The following C3orf85 variants were observed in gnomAD, a reference collection of about 807,000 sequenced individuals.
C3orf85 encodes uncharacterized protein C3orf85.
A neutral mutation model predicts 1.7 loss-of-function variants in C3orf85; 1 was observed. The ratio of observed to expected loss-of-function variants is 0.60; its 90% CI spans 0.21 to 2.86. C3orf85 has a LOEUF of 2.86. Ranked by LOEUF, C3orf85 falls within the 30% of genes most tolerant of loss-of-function variation. The pLI is 0.22. For synonymous variants in C3orf85, 17 were observed against 8.0 expected (o/e 2.13, Z -1.90); for missense variants, 29 against 21.3 (o/e 1.36, Z -0.72).
intron 2 of C3orf85, among the ~76,000 whole-genome samples, chr3:109,137,981 A>G (rs9840398): frequency 0.087 from 13,172 of 152,042 alleles, 1,435 homozygotes; most frequent in African/African-American, 0.26. Context: ...TTGACTTTAG[A>G]GGGGGTAACG....
chr3:109,146,790 C>T (rs186493791), intron 2 of C3orf85, among the ~76,000 whole-genome samples: 5 of 152,174 alleles, frequency 3.3e-5, no homozygotes, highest in East Asian at 3.9e-4. Context: ...TGGTTATGTA[C>T]GTCAGCCCTA....
chr3:109,148,540 G>T, intron 3 of C3orf85, 154 bp downstream of exon 3: 2 of 581,290 alleles, frequency 3.4e-6, no homozygotes, highest in Non-Finnish European at 6.2e-6. Flanking sequence ...CCATGAAGTG[G>T]TTTTTGCCTG....
chr3:109,143,474 T>G (rs1283384006), intron 2 of C3orf85, among the ~76,000 whole-genome samples: 1 of 152,168 alleles, frequency 6.6e-6, no homozygotes, highest in Non-Finnish European at 1.5e-5. Context: ...TATGAATACA[T>G]TTTTATCTGT....
At chr3:109,141,723 C>T (rs1441756118) in intron 2 of C3orf85, among the ~76,000 whole-genome samples, 1 of 152,100 alleles carries the variant, frequency 6.6e-6, no homozygotes. Flanking sequence ...ATAGCTATGC[C>T]ATTGTGTGTA....
At chr3:109,139,310 G>A (rs541895541) in intron 2 of C3orf85, among the ~76,000 whole-genome samples, 72 of 152,268 alleles carry the variant, frequency 4.7e-4, no homozygotes, top group Non-Finnish European at 9.0e-4. Context: ...TATCATAGCC[G>A]TTGCTTCCAT....
At chr3:109,147,589 T>C (rs977779750) in intron 2 of C3orf85, among the ~76,000 whole-genome samples, 5 of 152,218 alleles carry the variant, frequency 3.3e-5, no homozygotes, top group African/African-American at 1.2e-4. Context: ...TCAAGATCTT[T>C]AAAAAGTCTG....
rs1003166259 is a variant in C3orf85 at position 109,151,399 on chromosome 3, G to A, written c.*1505G>A. Reference sequence around the variant, plus strand: ...TTACATCCCAATAAACCCGTCACACGCTGAAAATATCATAAGTCAAAAGTG... The same window carrying A: ...TTACATCCCAATAAACCCGTCACACACTGAAAATATCATAAGTCAAAAGTG... On this transcript the variant is annotated 3_prime_UTR_variant, in exon 4 of 4. Coordinates refer to ENST00000622536, the MANE Select transcript of C3orf85 (RefSeq NM_001351622.2). Among the ~76,000 whole-genome samples the A allele has an allele frequency of 3.9e-5, 6 of 151,906 alleles. No homozygotes were observed. The highest frequency in any genetic ancestry group is 1.3e-4 in the Admixed American group (2 of 15,258).
rs1307124171 is a variant in C3orf85 at position 109,150,805 on chromosome 3, T to C, written c.*911T>C. 3.9e-5 allele frequency among the ~76,000 whole-genome samples: 6 copies of C among 152,346 alleles called. No homozygotes were observed. Among genetic ancestry groups the C allele is most frequent in the African/African-American group, 1.2e-4 (5 of 41,596 alleles). On this transcript the variant is annotated 3_prime_UTR_variant, in exon 4 of 4. Coordinates refer to ENST00000622536, the MANE Select transcript of C3orf85 (RefSeq NM_001351622.2). ...TATCTCCATTCTCTATTCTCTATTT[T>C]AGTTGTTCTCTCGAACAATTTATTT...
intron 2 of C3orf85, among the ~76,000 whole-genome samples, chr3:109,142,838 A>G (rs2107834304): frequency 6.6e-6 from 1 of 152,254 alleles, no homozygotes; most frequent in South Asian, 2.1e-4. Flanking sequence ...CAAGTTGAGA[A>G]ATAAAGAAAT....
At chr3:109,139,898 T>C (rs900762842) in intron 2 of C3orf85, among the ~76,000 whole-genome samples, 3 of 152,196 alleles carry the variant, frequency 2.0e-5, no homozygotes, top group Non-Finnish European at 4.4e-5. Flanking sequence ...TCTTGAAAGA[T>C]TTTTGATTTG....
intron 2 of C3orf85, chr3:109,146,461 G>C (rs1706800422): frequency 1.3e-5 from 2 of 152,306 alleles, no homozygotes; most frequent in South Asian, 2.1e-4. Context: ...CATGAATTTG[G>C]GAGTGGCTTA....
intron 2 of C3orf85, among the ~76,000 whole-genome samples, chr3:109,140,309 C>T (rs1456247015): frequency 1.3e-5 from 2 of 152,130 alleles, no homozygotes; most frequent in East Asian, 1.9e-4. Context: ...AAAAGGAAAA[C>T]GGTAAAACAA....
chr3:109,144,313 A>G (rs1281261352), intron 2 of C3orf85, among the ~76,000 whole-genome samples: 4 of 152,126 alleles, frequency 2.6e-5, no homozygotes, highest in African/African-American at 9.7e-5. Flanking sequence ...TATTACTTGC[A>G]TTTTTATTTC....
intron 2 of C3orf85, among the ~76,000 whole-genome samples, chr3:109,147,938 G>A (rs78152272): frequency 0.017 from 2,576 of 152,192 alleles, 64 homozygotes; most frequent in African/African-American, 0.056. Context: ...AACTTTCCCC[G>A]AAAAGTGATA....
chr3:109,144,404 G>C (rs1209136332), intron 2 of C3orf85, among the ~76,000 whole-genome samples: 1 of 152,064 alleles, frequency 6.6e-6, no homozygotes, highest in Non-Finnish European at 1.5e-5. Flanking sequence ...TTGTAAAGTA[G>C]GATAATAAAT....
Position 109,149,848 on chromosome 3 carries a change from A to G in C3orf85, c.227A>G (p.Tyr76Cys), listed in dbSNP as rs1439527380. Reference sequence around the variant, plus strand: ...GCTTTGAAAACAACAGCACAGTATTATTTGGATATGAATACCTTCACCTTT... The same window carrying G: ...GCTTTGAAAACAACAGCACAGTATTGTTTGGATATGAATACCTTCACCTTT... ...WIALKTTAQYYLDMNTFTFDM... is the reference protein window; with the variant it reads ...WIALKTTAQYCLDMNTFTFDM... Residue 76 changes from tyrosine (Y) to cysteine (C), a missense_variant, in exon 4 of 4, where the codon TAT becomes TGT. Transcript: ENST00000622536. The G allele has an allele frequency of 5.0e-6, 2 of 398,460 alleles. No homozygotes were observed. The highest frequency in any genetic ancestry group is 8.9e-6 in the Non-Finnish European group (2 of 225,706). 24.7% of individuals were successfully genotyped at this position (398,460 alleles called of 1,614,324 possible).
chr3:109,149,682 G>T (rs1198255508), intron 3 of C3orf85, 123 bp from the exon 4 acceptor site: 1 of 390,878 alleles, frequency 2.6e-6, no homozygotes, highest in Admixed American at 4.4e-5. Context: ...AATTCTATTT[G>T]GTATAATTCT....
At chr3:109,139,910 T>G (rs1000517933) in intron 2 of C3orf85, among the ~76,000 whole-genome samples, 3 of 152,212 alleles carry the variant, frequency 2.0e-5, no homozygotes, top group African/African-American at 7.2e-5. Context: ...TTTGATTTGC[T>G]TTGTTTTTTG....
chr3:109,137,617 A>ATG (rs1205082750), intron 2 of C3orf85, among the ~76,000 whole-genome samples: 219 of 89,458 alleles, frequency 2.4e-3, no homozygotes, highest in African/African-American at 7.4e-3. Flanking sequence ...ATAGATGTAT[A>ATG]TATGTGTGTG....
Sources: allele counts gnomAD v4.1 joint callset (sites outside exome capture counted in the v4.1 genomes callset), GRCh38; gene constraint gnomAD v4.1.1; transcripts MANE v1.5; gene names NCBI Gene and HGNC (gene_info 2026-07-23, HGNC 2026-07-21).